ZNF589: variants seen among roughly 807,000 people sequenced by gnomAD.
The protein encoded by ZNF589 is KRAB-zinc finger protein SZF1-1.
A neutral mutation model predicts 13.6 loss-of-function variants in ZNF589; 17 were observed. That is an observed-to-expected ratio of 1.25 (90% CI 0.86 to 1.88). ZNF589 has a LOEUF of 1.88. Among genes scored for constraint, ZNF589 ranks in the 40% most tolerant of loss-of-function variants. ZNF589 has a pLI of 0.00. For synonymous variants in ZNF589, 148 were observed against 161.6 expected (o/e 0.92, Z 0.64); for missense variants, 407 against 434.0 (o/e 0.94, Z 0.55).
chr3:48,257,549 C>G (rs1170750067), intron 2 of ZNF589, among the ~76,000 whole-genome samples: 1 of 151,698 alleles, frequency 6.6e-6, no homozygotes, highest in African/African-American at 2.4e-5. Flanking sequence ...CGTGAGCCAC[C>G]GAAAAAAGTT....
At chr3:48,255,896 A>G (rs1456405341) in intron 2 of ZNF589, among the ~76,000 whole-genome samples, 1 of 152,202 alleles carries the variant, frequency 6.6e-6, no homozygotes, top group African/African-American at 2.4e-5. Context: ...ACAAGCCACC[A>G]CGCCTGGCAG....
intron 2 of ZNF589, among the ~76,000 whole-genome samples, chr3:48,248,679 C>G (rs761236040): frequency 2.0e-5 from 3 of 152,114 alleles, no homozygotes; most frequent in Admixed American, 6.6e-5. Context: ...ATCCAAGATT[C>G]TTTAGGAAAT....
chr3:48,255,651 G>T (rs949467216), intron 2 of ZNF589, among the ~76,000 whole-genome samples: 1 of 151,920 alleles, frequency 6.6e-6, no homozygotes, highest in African/African-American at 2.4e-5. Context: ...TACCAACCAC[G>T]CCTGGCTAGC....
intron 1 of ZNF589, among the ~76,000 whole-genome samples, chr3:48,242,413 C>G (rs149747852): frequency 9.0e-4 from 137 of 152,128 alleles, no homozygotes; most frequent in African/African-American, 3.1e-3. Flanking sequence ...CACCCGGCCC[C>G]AAATGACTTT....
intron 3 of ZNF589, among the ~76,000 whole-genome samples, chr3:48,262,454 G>C (rs2106845670): frequency 6.6e-6 from 1 of 152,190 alleles, no homozygotes; most frequent in South Asian, 2.1e-4. Context: ...GCCTCCCAAA[G>C]TGCTGGGATT....
intron 2 of ZNF589, among the ~76,000 whole-genome samples, chr3:48,251,577 G>T (rs1177387973): frequency 6.6e-6 from 1 of 151,272 alleles, no homozygotes; most frequent in Non-Finnish European, 1.5e-5. Flanking sequence ...AAAAGAAACT[G>T]TTTAATTTAA....
At chr3:48,267,491 G>T (rs1262941712) in intron 3 of ZNF589, among the ~76,000 whole-genome samples, 1 of 151,988 alleles carries the variant, frequency 6.6e-6, no homozygotes, top group African/African-American at 2.4e-5. Context: ...CTGCCTCCCG[G>T]GTTCAAGTGA....
rs1386484944 is a variant in ZNF589 at position 48,269,342 on chromosome 3, T to G, written c.*556T>G. On this transcript the variant is annotated 3_prime_UTR_variant, in exon 4 of 4. Coordinates refer to ENST00000354698, the MANE Select transcript of ZNF589 (RefSeq NM_016089.3). ...CCTCCACTACCACCGGAGTACACAC[T>G]CCAAGGAAAAACCTTATGTGTGCAG... is the stretch of plus-strand genomic sequence containing the variant. 1.0e-4 allele frequency: 122 copies of G among 1,176,910 alleles called. No homozygotes were observed. Among genetic ancestry groups the G allele is most frequent in the Non-Finnish European group, 4.8e-6 (4 of 838,762 alleles). 72.9% of individuals were successfully genotyped at this position (1,176,910 alleles called of 1,614,324 possible).
chr3:48,256,784 C>T lies in ZNF589; in HGVS notation c.97-4029C>T, dbSNP rs117175499. 2.4e-3 allele frequency: 3,753 copies of T among 1,595,508 alleles called. 142 individuals carry two copies. In the East Asian group the frequency reaches 0.07, roughly 30 times the overall value. On this transcript the variant is annotated intron_variant, in intron 2 of 3. Coordinates refer to ENST00000354698, the MANE Select transcript of ZNF589 (RefSeq NM_016089.3). ...ACTCTCCTTGGGAGTCGCTGTGATA[C>T]GGCCTTCAATTATAGTTGTCTTTCC... is the stretch of plus-strand genomic sequence containing the variant.
intron 2 of ZNF589, among the ~76,000 whole-genome samples, chr3:48,260,516 C>A (rs972528924): frequency 6.6e-6 from 1 of 152,174 alleles, no homozygotes; most frequent in Non-Finnish European, 1.5e-5. Context: ...TCAAGTGATT[C>A]TCCTGCCTCA....
intron 2 of ZNF589, among the ~76,000 whole-genome samples, chr3:48,252,647 G>A (rs1160875914): frequency 1.6e-5 from 2 of 128,006 alleles, no homozygotes; most frequent in Non-Finnish European, 3.2e-5. Flanking sequence ...TTTTTGAAAC[G>A]GAGTCTCGCT....
chr3:48,261,642 C>T (rs1370669398), intron 3 of ZNF589, among the ~76,000 whole-genome samples: 1 of 152,152 alleles, frequency 6.6e-6, no homozygotes, highest in Non-Finnish European at 1.5e-5. Context: ...TCTGGATATT[C>T]CTGAGTTCTT....
chr3:48,258,764 G>T (rs548293535), intron 2 of ZNF589, among the ~76,000 whole-genome samples: 1 of 152,300 alleles, frequency 6.6e-6, no homozygotes, highest in South Asian at 2.1e-4. Flanking sequence ...GGTTATGTAA[G>T]CTTCCAAAGG....
chr3:48,268,198 C>T lies in ZNF589; in HGVS notation c.507C>T (p.Ser169=), dbSNP rs754615400. 1.7e-5 allele frequency: 27 copies of T among 1,609,214 alleles called. No homozygotes were observed. In the African/African-American group the frequency reaches 2.9e-4, roughly 18 times the overall value. The change falls in exon 4 of 4, where the codon AGC becomes AGT. Residue 169 remains serine, a synonymous_variant. Coordinates refer to ENST00000354698, the MANE Select transcript of ZNF589 (RefSeq NM_016089.3). ...NERGALVGFS[S]LFQRPPISSW... Reference sequence around the variant, plus strand: ...GGGGGGCTTTAGTGGGTTTCTCTAGCCTGTTCCAGAGACCACCAATAAGCT... The same window carrying T: ...GGGGGGCTTTAGTGGGTTTCTCTAGTCTGTTCCAGAGACCACCAATAAGCT...
Position 48,269,975 on chromosome 3 carries a change from C to A in ZNF589, c.*1189C>A. On this transcript the variant is annotated 3_prime_UTR_variant, in exon 4 of 4. Transcript: ENST00000354698. The stretch of plus-strand genomic sequence containing the variant: ...AAGAGCTTTGGGGACAGTCTTTTGA[C>A]CCCTTACATTCCTTTAGATGTGAAG... The A allele has an allele frequency of 2.2e-6, 1 of 454,006 alleles. No homozygotes were observed. The highest frequency in any genetic ancestry group is 7.0e-5 in the East Asian group (1 of 14,368). 28.1% of individuals were successfully genotyped at this position (454,006 alleles called of 1,614,324 possible).
intron 1 of ZNF589, among the ~76,000 whole-genome samples, chr3:48,242,572 A>C (rs1191795544): frequency 6.6e-6 from 1 of 151,898 alleles, no homozygotes; most frequent in East Asian, 1.9e-4. Flanking sequence ...CCAAAGTGCT[A>C]GGATTATAGG....
chr3:48,259,742 C>T (rs373443995), intron 2 of ZNF589, among the ~76,000 whole-genome samples: 6 of 151,986 alleles, frequency 3.9e-5, no homozygotes, highest in African/African-American at 1.4e-4. Context: ...GAAATCCCAT[C>T]GCTACTAAAA....
intron 2 of ZNF589, 36 bp from the exon 3 acceptor site, chr3:48,260,777 G>A: frequency 1.2e-6 from 2 of 1,613,398 alleles, no homozygotes; most frequent in Non-Finnish European, 1.7e-6. Context: ...AATCTTAATG[G>A]TGACTTGATG....
In ZNF589 at chr3:48,269,635, C is replaced by A; in HGVS notation, c.*849C>A. 3.0e-6 allele frequency: 1 copy of A among 337,460 alleles called. No individual in the cohort carries two copies. Among genetic ancestry groups the A allele is most frequent in the South Asian group, 2.6e-5 (1 of 39,106 alleles). 20.9% of individuals were successfully genotyped at this position (337,460 alleles called of 1,614,324 possible). A position where few individuals can be genotyped will look rare whatever the true frequency, so the allele number is the denominator to read the frequency against. On this transcript the variant is annotated 3_prime_UTR_variant, in exon 4 of 4. Transcript: ENST00000354698. Reference sequence around the variant, plus strand: ...ATGCATGCGTGGAGTGTGGGCAAAGCTTTAGGAGAAAGTCACAGCTCATCA... The same window carrying A: ...ATGCATGCGTGGAGTGTGGGCAAAGATTTAGGAGAAAGTCACAGCTCATCA...
Sources: allele counts gnomAD v4.1 joint callset (sites outside exome capture counted in the v4.1 genomes callset), GRCh38; gene constraint gnomAD v4.1.1; transcripts MANE v1.5; gene names NCBI Gene and HGNC (gene_info 2026-07-23, HGNC 2026-07-21).